Variants in YAF2 observed in about 807,000 individuals in gnomAD.
The protein encoded by YAF2 is YY1-associated factor 2.
YAF2 carries 7 observed loss-of-function variants against 20.1 expected under a neutral mutation model. The ratio of observed to expected loss-of-function variants is 0.35; its 90% CI spans 0.20 to 0.65. The LOEUF (loss-of-function observed/expected upper bound fraction) is 0.65, where lower values mean the gene tolerates loss of function less well. Among genes scored for constraint, YAF2 ranks in the 30% least tolerant of loss-of-function variants. YAF2 has a pLI of 0.69. For missense variants in YAF2, 151 were observed against 219.2 expected (o/e 0.69, Z 1.96); for synonymous variants, 74 against 76.0 (o/e 0.97, Z 0.14).
chr12:42,226,472 G>C (rs953239253), intron 2 of YAF2, among the ~76,000 whole-genome samples: 3 of 152,004 alleles, frequency 2.0e-5, no homozygotes, highest in Non-Finnish European at 4.4e-5. Context: ...GACCAGACTG[G>C]GCAACATAGG....
chr12:42,227,183 CG>C (rs946851481), intron 2 of YAF2, among the ~76,000 whole-genome samples: 35 of 144,710 alleles, frequency 2.4e-4, no homozygotes, highest in Non-Finnish European at 4.5e-4. Context: ...ACGGGCCCCA[CG>C]GGGCCCGAGG....
At chr12:42,193,084 G>A (rs184882746) in intron 2 of YAF2, among the ~76,000 whole-genome samples, 1 of 152,244 alleles carries the variant, frequency 6.6e-6, no homozygotes. Flanking sequence ...GTGGCCGAGG[G>A]GGGGCAGATC....
chr12:42,212,321 AT>A (rs1444287476), intron 2 of YAF2: 6 of 220,904 alleles, frequency 2.7e-5, no homozygotes, highest in African/African-American at 1.4e-4. Flanking sequence ...ATCAATATAT[AT>A]TCATCATATT....
At chr12:42,234,693 T>C (rs1362637567) in intron 2 of YAF2, 1 of 984,606 alleles carries the variant, frequency 1.0e-6, no homozygotes, top group Admixed American at 6.1e-5. Context: ...ATATTGCCAA[T>C]AAAGACTTTA....
intron 2 of YAF2, among the ~76,000 whole-genome samples, chr12:42,190,918 G>T (rs1421876946): frequency 1.3e-5 from 2 of 151,038 alleles, no homozygotes; most frequent in African/African-American, 4.9e-5. Context: ...TTTTTTTTCA[G>T]CTTTCTTTAT....
At chr12:42,193,224 C>G (rs990882932) in intron 2 of YAF2, among the ~76,000 whole-genome samples, 1 of 150,684 alleles carries the variant, frequency 6.6e-6, no homozygotes, top group Non-Finnish European at 1.5e-5. Context: ...CTGAGGCAGG[C>G]GAATCACTTG....
intron 2 of YAF2, among the ~76,000 whole-genome samples, chr12:42,171,784 T>C (rs1210087820): frequency 7.2e-6 from 1 of 138,548 alleles, no homozygotes. Context: ...TGAAACCCCA[T>C]CTCTACAGAA....
Position 42,204,176 on chromosome 12 carries a change from A to G in YAF2, c.152+33423T>C, listed in dbSNP as rs11181377. ...TGAAAAGCATTGGTGACATTACAGA[A>G]AAGTGTGAACCTTTGTACACTGCTG... On this transcript the variant is annotated intron_variant, in intron 2 of 3. Transcript: ENST00000534854. 9.9e-3 allele frequency among the ~76,000 whole-genome samples: 1,510 copies of G among 152,354 alleles called. 29 individuals are homozygous for G. Among genetic ancestry groups the G allele is most frequent in the African/African-American group, 0.035 (1,444 of 41,584 alleles).
intron 2 of YAF2, chr12:42,234,027 C>G: frequency 1.4e-6 from 1 of 693,430 alleles, no homozygotes; most frequent in Non-Finnish European, 1.8e-6. Context: ...AAAAATTAGC[C>G]TGGTGTGGTG....
At chr12:42,210,812 TATA>T (rs1249989040) in intron 2 of YAF2, 2 of 766,512 alleles carry the variant, frequency 2.6e-6, no homozygotes, top group African/African-American at 3.5e-5. Context: ...ATTTGCTAAA[TATA>T]ATGTCAGTGG....
chr12:42,166,407 A>G (rs1335711893), intron 2 of YAF2, among the ~76,000 whole-genome samples: 1 of 152,224 alleles, frequency 6.6e-6, no homozygotes, highest in Admixed American at 6.5e-5. Context: ...CTGTCCACTA[A>G]CGAACTATCT....
intron 2 of YAF2, among the ~76,000 whole-genome samples, chr12:42,188,383 CTT>C (rs765727694): frequency 2.1e-4 from 25 of 118,800 alleles, no homozygotes; most frequent in East Asian, 2.4e-4. Flanking sequence ...ATATATTTTG[CTT>C]TTTTTTTTTT....
intron 2 of YAF2, among the ~76,000 whole-genome samples, chr12:42,184,278 T>A (rs1368584082): frequency 6.6e-6 from 1 of 152,136 alleles, no homozygotes; most frequent in Non-Finnish European, 1.5e-5. Flanking sequence ...GCCCCATAGA[T>A]CCAGGAGTAA....
At chr12:42,225,330 T>TA (rs2067657979) in intron 2 of YAF2, among the ~76,000 whole-genome samples, 1 of 152,246 alleles carries the variant, frequency 6.6e-6, no homozygotes, top group Admixed American at 6.5e-5. Flanking sequence ...ACTCTGATGA[T>TA]AGTTTCTTTT....
chr12:42,221,813 C>T (rs1416485864), intron 2 of YAF2, among the ~76,000 whole-genome samples: 1 of 152,146 alleles, frequency 6.6e-6, no homozygotes, highest in Non-Finnish European at 1.5e-5. Flanking sequence ...GTTTTGAAAA[C>T]AATAGTAGTC....
chr12:42,219,477 A>T (rs1228018443), intron 2 of YAF2, among the ~76,000 whole-genome samples: 1 of 152,180 alleles, frequency 6.6e-6, no homozygotes, highest in Non-Finnish European at 1.5e-5. Flanking sequence ...ATTTTTGGAC[A>T]TGAGAGTTCA....
intron 2 of YAF2, among the ~76,000 whole-genome samples, chr12:42,167,510 GAA>G (rs2065943577): frequency 6.6e-6 from 1 of 152,108 alleles, no homozygotes; most frequent in South Asian, 2.1e-4. Flanking sequence ...TCTATAGGTA[GAA>G]CCACTTGAAA....
chr12:42,237,113 T>G (rs1213996262), intron 2 of YAF2, among the ~76,000 whole-genome samples: 1 of 152,202 alleles, frequency 6.6e-6, no homozygotes, highest in African/African-American at 2.4e-5. Context: ...AAATAAAACC[T>G]TGATCTGACC....
chr12:42,162,191 T>C (rs905853069), intron 2 of YAF2, among the ~76,000 whole-genome samples: 7 of 152,190 alleles, frequency 4.6e-5, no homozygotes, highest in African/African-American at 1.2e-4. Flanking sequence ...ATCTGTTCTT[T>C]AAAGCTTTTC....
Sources: gnomAD v4.1 joint callset for allele counts (sites outside exome capture counted in the v4.1 genomes callset) on GRCh38, gnomAD v4.1.1 for gene constraint, MANE v1.5 for transcripts, NCBI Gene and HGNC (gene_info 2026-07-23, HGNC 2026-07-21) for gene names.